Variants in EIF4ENIF1 observed in about 807,000 individuals in gnomAD.
EIF4ENIF1 encodes the protein eukaryotic translation initiation factor 4E transporter.
In EIF4ENIF1, 23 loss-of-function variants were observed where a neutral mutation model predicts 110.5. The observed-to-expected ratio is 0.21, with a 90% CI of 0.15 to 0.29. The LOEUF (loss-of-function observed/expected upper bound fraction) is 0.29, where lower values mean the gene tolerates loss of function less well. Among genes scored for constraint, EIF4ENIF1 ranks in the 10% least tolerant of loss-of-function variants. EIF4ENIF1 has a pLI of 1.00. For missense variants in EIF4ENIF1, 1,031 were observed against 1,221.1 expected (o/e 0.84, Z 2.32); for synonymous variants, 440 against 437.0 (o/e 1.01, Z -0.09).
chr22:31,440,918 A>G, intron 17 of EIF4ENIF1, 50 bp from the exon 18 acceptor site: 1 of 1,605,046 alleles, frequency 6.2e-7, no homozygotes, highest in South Asian at 1.1e-5. Flanking sequence ...GTTACCTGGA[A>G]GTTTTCCAGC....
intron 8 of EIF4ENIF1, 78 bp from the exon 9 acceptor site, chr22:31,455,393 T>TTA: frequency 2.5e-6 from 3 of 1,217,022 alleles, no homozygotes; most frequent in Non-Finnish European, 3.2e-6. Flanking sequence ...TTTTCTTTCT[T>TTA]TCTTTTTTTT....
chr22:31,458,183 G>A (rs529324439), intron 7 of EIF4ENIF1, among the ~76,000 whole-genome samples: 55 of 151,078 alleles, frequency 3.6e-4, no homozygotes, highest in Non-Finnish European at 6.2e-4. Flanking sequence ...AGCCAAGATC[G>A]TGCCACTGCA....
chr22:31,479,230 C>G (rs1258591329), intron 2 of EIF4ENIF1, among the ~76,000 whole-genome samples: 1 of 151,986 alleles, frequency 6.6e-6, no homozygotes, highest in Non-Finnish European at 1.5e-5. Context: ...CCATGCCCGG[C>G]TAATGTTTTT....
chr22:31,454,494 T>A (rs1211669806), intron 9 of EIF4ENIF1, 118 bp from the exon 10 acceptor site: 1 of 851,756 alleles, frequency 1.2e-6, no homozygotes, highest in Non-Finnish European at 1.8e-6. Flanking sequence ...GATGAGACTG[T>A]CAGAAAAGAC....
chr22:31,449,659 G>A lies in EIF4ENIF1; in HGVS notation c.1585-128C>T, dbSNP rs150531482. Reference sequence around the variant, plus strand: ...CATGCTCAACTGAAGGACTTGGCATGTGTACATGCAACACATTTATCTGAA... The same window carrying A: ...CATGCTCAACTGAAGGACTTGGCATATGTACATGCAACACATTTATCTGAA... On this transcript the variant is annotated intron_variant, in intron 11 of 18. Transcript: ENST00000330125. 1,199 of 740,688 alleles carry A rather than the reference G, an allele frequency of 1.6e-3. 4 individuals carry two copies. Among genetic ancestry groups the A allele is most frequent in the Non-Finnish European group, 1.9e-3 (893 of 460,244 alleles). The allele number at this position is 740,688 out of a possible 1,614,324, so 45.9% of individuals were successfully genotyped here. A position where few individuals can be genotyped will look rare whatever the true frequency, so the allele number is the denominator to read the frequency against.
chr22:31,493,072 C>T (rs890903618), upstream of EIF4ENIF1, among the ~76,000 whole-genome samples: 3 of 151,984 alleles, frequency 2.0e-5, no homozygotes, highest in Non-Finnish European at 4.4e-5. Flanking sequence ...CTCGCTCTGT[C>T]GTCCAGGCTG....
At chr22:31,447,682 T>C in intron 13 of EIF4ENIF1, 117 bp from the exon 14 acceptor site, 2 of 1,109,276 alleles carry the variant, frequency 1.8e-6, no homozygotes, top group Non-Finnish European at 2.5e-6. Flanking sequence ...AATTAGATAC[T>C]GCGAAACTGA....
At chr22:31,456,336 G>T (rs534674359) in intron 7 of EIF4ENIF1, among the ~76,000 whole-genome samples, 257 of 149,960 alleles carry the variant, frequency 1.7e-3, no homozygotes, top group Middle Eastern at 3.5e-3. Context: ...CCATTCTCCT[G>T]CCTCAGCCTC....
At position 31,463,876 on chromosome 22, in the gene EIF4ENIF1, A is replaced by G. The variant is rs747984791; in HGVS notation, c.390T>C (p.Ala130=). Reference sequence around the variant, plus strand: ...GACTTCCTGAGCGCCGGGAGCTAACAGCGGCTGTCACGTGGCAGCCCCCTC... The same window carrying G: ...GACTTCCTGAGCGCCGGGAGCTAACGGCGGCTGTCACGTGGCAGCCCCCTC... ...SFGGGCHVTA[A]VSSRRSGSPL... is the part of the protein sequence containing the mutation. Residue 130 remains alanine (A), a synonymous_variant, in exon 5 of 19, where the codon GCT becomes GCC. Transcript: ENST00000330125. 6.2e-7 allele frequency: 1 copy of G among 1,614,154 alleles called. No homozygotes were observed. Among genetic ancestry groups the G allele is most frequent in the African/African-American group, 1.3e-5 (1 of 75,034 alleles).
At chr22:31,444,543 A>G in intron 15 of EIF4ENIF1, 63 bp downstream of exon 15, 1 of 1,496,322 alleles carries the variant, frequency 6.7e-7, no homozygotes, top group Middle Eastern at 1.7e-4. Context: ...CAGTGGTACA[A>G]TCCATGCACA....
chr22:31,465,314 ACT>A (rs987874680), intron 4 of EIF4ENIF1, among the ~76,000 whole-genome samples: 3 of 145,994 alleles, frequency 2.1e-5, no homozygotes, highest in African/African-American at 7.7e-5. Context: ...CAAGAGCCAG[ACT>A]CTGTCTCAAA....
In EIF4ENIF1 at chr22:31,440,689, C is replaced by T. The variant is rs200442956; in HGVS notation, c.2716+15G>A. ...AAGTCCGTCCCAAACTCACCTGTCA[C>T]ATTCCTGAACCTACCTGAGCGCTGT... On this transcript the variant is annotated intron_variant, in intron 18 of 18. Transcript: ENST00000330125. 4.2e-5 allele frequency: 67 copies of T among 1,609,896 alleles called. No individual in the cohort carries two copies. In the Admixed American group the frequency reaches 1.1e-3, roughly 27 times the overall value.
chr22:31,477,390 A>AAAAAAAAAAAAAAAAAAAG (rs1381135932), intron 2 of EIF4ENIF1, among the ~76,000 whole-genome samples: 1 of 133,654 alleles, frequency 7.5e-6, no homozygotes, highest in African/African-American at 2.8e-5. Context: ...AAAACAAAAA[A>AAAAAAAAAAAAAAAAAAAG]AGAGAATTTG....
At chr22:31,470,559 G>A (rs985573611) in intron 3 of EIF4ENIF1, among the ~76,000 whole-genome samples, 1 of 152,020 alleles carries the variant, frequency 6.6e-6, no homozygotes, top group Admixed American at 6.6e-5. Context: ...GATTACAGGT[G>A]TGAGCCACTG....
At chr22:31,458,790 A>C (rs761864402) in intron 6 of EIF4ENIF1, 140 bp from the exon 7 acceptor site, 17 of 692,686 alleles carry the variant, frequency 2.5e-5, no homozygotes, top group Non-Finnish European at 2.6e-5. Flanking sequence ...CTGTACTTGC[A>C]AGAATAAAAC....
At chr22:31,467,273 C>A (rs1163138923) in intron 4 of EIF4ENIF1, among the ~76,000 whole-genome samples, 2 of 152,058 alleles carry the variant, frequency 1.3e-5, no homozygotes, top group African/African-American at 4.8e-5. Context: ...GTAGAAGGGT[C>A]TTATAGCTTA....
chr22:31,470,801 G>A (rs1249648308), intron 3 of EIF4ENIF1, among the ~76,000 whole-genome samples: 2 of 150,254 alleles, frequency 1.3e-5, no homozygotes, highest in Non-Finnish European at 3.0e-5. Flanking sequence ...TCTCGCTTTG[G>A]CCTCCTGAGT....
At chr22:31,454,954 C>T (rs1421560043) in intron 9 of EIF4ENIF1, among the ~76,000 whole-genome samples, 182 bp downstream of exon 9, 1 of 152,118 alleles carries the variant, frequency 6.6e-6, no homozygotes, top group Admixed American at 6.5e-5. Flanking sequence ...TCATGACCCA[C>T]TGTGAGATTC....
At chr22:31,445,495 A>T (rs981306269) in intron 14 of EIF4ENIF1, among the ~76,000 whole-genome samples, 1 of 152,156 alleles carries the variant, frequency 6.6e-6, no homozygotes, top group African/African-American at 2.4e-5. Flanking sequence ...GTATGACAAC[A>T]TGGGCAGACA....
Sources: gnomAD v4.1 joint callset for allele counts (sites outside exome capture counted in the v4.1 genomes callset) on GRCh38, gnomAD v4.1.1 for gene constraint, MANE v1.5 for transcripts, NCBI Gene and HGNC (gene_info 2026-07-23, HGNC 2026-07-21) for gene names.